Variants in KLHL29 observed in about 807,000 individuals in gnomAD.
KLHL29 encodes the protein kelch like family member 29, also known as kelch-like protein 29.
In KLHL29, 21 loss-of-function variants were observed where a neutral mutation model predicts 80.4. That is an observed-to-expected ratio of 0.26 (90% CI 0.19 to 0.38). KLHL29 has a LOEUF of 0.38. KLHL29 is among the 10% of genes least tolerant of loss of function. KLHL29 has a pLI of 1.00. For synonymous variants in KLHL29, 511 were observed against 526.8 expected (o/e 0.97, Z 0.41); for missense variants, 867 against 1,223.9 (o/e 0.71, Z 4.35).
At chr2:23,627,382 G>A (rs897629608) in intron 3 of KLHL29, among the ~76,000 whole-genome samples, 13 of 152,230 alleles carry the variant, frequency 8.5e-5, no homozygotes, top group South Asian at 2.1e-4. Context: ...AGCAGCCAGC[G>A]CCCAGGAGCT....
intron 3 of KLHL29, among the ~76,000 whole-genome samples, chr2:23,589,962 A>T (rs758105295): frequency 6.6e-6 from 1 of 152,262 alleles, no homozygotes; most frequent in Non-Finnish European, 1.5e-5. Flanking sequence ...TTGCAAAGGC[A>T]TGCAGCTGGC....
At chr2:23,387,041 C>G (rs924528899) in intron 1 of KLHL29, among the ~76,000 whole-genome samples, 2 of 151,882 alleles carry the variant, frequency 1.3e-5, no homozygotes, top group East Asian at 3.9e-4. Context: ...AAGGAGCTGC[C>G]GCCGCCGCCG....
intron 1 of KLHL29, among the ~76,000 whole-genome samples, chr2:23,446,791 A>G (rs547806620): frequency 5.3e-5 from 8 of 152,274 alleles, no homozygotes; most frequent in African/African-American, 1.9e-4. Context: ...AATTATGTGC[A>G]TCTTTGCAAG....
At chr2:23,577,763 GAAAA>G (rs1667880593) in intron 3 of KLHL29, among the ~76,000 whole-genome samples, 1 of 150,186 alleles carries the variant, frequency 6.7e-6, no homozygotes, top group Non-Finnish European at 1.5e-5. Context: ...AAAAAAAAAA[GAAAA>G]GAAAGATCAG....
chr2:23,645,207 C>T (rs1183009354), intron 5 of KLHL29, among the ~76,000 whole-genome samples: 1 of 152,166 alleles, frequency 6.6e-6, no homozygotes, highest in Admixed American at 6.5e-5. Flanking sequence ...GATCTAATGT[C>T]AAACAACTGC....
intron 2 of KLHL29, among the ~76,000 whole-genome samples, chr2:23,505,911 G>A (rs1461959126): frequency 2.0e-5 from 3 of 152,144 alleles, no homozygotes. Context: ...AAGGGCGTTG[G>A]GGGTCTCTGA....
intron 1 of KLHL29, among the ~76,000 whole-genome samples, chr2:23,450,533 C>T (rs938979210): frequency 1.3e-5 from 2 of 151,974 alleles, no homozygotes; most frequent in African/African-American, 4.8e-5. Flanking sequence ...AAGACTTCAG[C>T]CCTAGAGATT....
At chr2:23,576,945 C>G (rs538841143) in intron 3 of KLHL29, among the ~76,000 whole-genome samples, 1 of 152,294 alleles carries the variant, frequency 6.6e-6, no homozygotes, top group South Asian at 2.1e-4. Flanking sequence ...GCAGCTTTGT[C>G]CCTGGTGGAA....
At chr2:23,407,032 A>G (rs75899752) in intron 1 of KLHL29, among the ~76,000 whole-genome samples, 96 of 152,266 alleles carry the variant, frequency 6.3e-4, no homozygotes, top group African/African-American at 2.3e-3. Context: ...TTTCCTCTTA[A>G]CCTTGCATTG....
At chr2:23,550,249 C>G (rs1667089105) in intron 2 of KLHL29, among the ~76,000 whole-genome samples, 1 of 152,082 alleles carries the variant, frequency 6.6e-6, no homozygotes, top group Admixed American at 6.5e-5. Context: ...CAAGGGCATG[C>G]CTGGGGAATT....
Position 23,562,042 on chromosome 2 carries a change from A to C in KLHL29, c.-45-110A>C. 1.4e-6 allele frequency: 1 copy of C among 737,008 alleles called. No homozygotes were observed. The highest frequency in any genetic ancestry group is 2.2e-6 in the Non-Finnish European group (1 of 453,444). 45.7% of individuals were successfully genotyped at this position (737,008 alleles called of 1,614,324 possible). On this transcript the variant is annotated intron_variant, in intron 2 of 13. Transcript: ENST00000486442. The surrounding 1 kb of genome is among the most constrained non-coding windows in gnomAD (Gnocchi z 4.5). ...GGCTAGCGTGACTCTGAAATGAGCT[A>C]ATGTTTGAAGGCCTGTTATTGAACC...
intron 5 of KLHL29, among the ~76,000 whole-genome samples, chr2:23,670,917 G>GCGCGCACTCTCTCTCTCT (rs150131401): frequency 1.1e-4 from 2 of 18,534 alleles, no homozygotes; most frequent in Non-Finnish European, 2.4e-4. Context: ...ACATGCACGC[G>GCGCGCACTCTCTCTCTCT]CTCTCTCTCT....
chr2:23,403,722 A>AGTGTGTGTGTGTGTGT (rs202189865), intron 1 of KLHL29, among the ~76,000 whole-genome samples: 2 of 141,004 alleles, frequency 1.4e-5, no homozygotes, highest in Admixed American at 7.2e-5. Context: ...AGAGAGAGAG[A>AGTGTGTGTGTGTGTGT]GAGAGTGTGT....
At chr2:23,548,959 G>A (rs1324497123) in intron 2 of KLHL29, among the ~76,000 whole-genome samples, 1 of 152,182 alleles carries the variant, frequency 6.6e-6, no homozygotes, top group Non-Finnish European at 1.5e-5. Context: ...CACCATTGTC[G>A]AAGGGGGTCA....
chr2:23,598,890 T>A (rs1668496336), intron 3 of KLHL29, among the ~76,000 whole-genome samples: 1 of 152,188 alleles, frequency 6.6e-6, no homozygotes, highest in Non-Finnish European at 1.5e-5. Flanking sequence ...GGTGGCCCTC[T>A]TCGGCCCCAG....
At chr2:23,666,480 A>AC (rs1022023247) in intron 5 of KLHL29, among the ~76,000 whole-genome samples, 1 of 152,176 alleles carries the variant, frequency 6.6e-6, no homozygotes, top group African/African-American at 2.4e-5. Flanking sequence ...TTTCTCGGGG[A>AC]CCAAGGCCAA....
At chr2:23,429,921 G>A (rs7574031) in intron 1 of KLHL29, among the ~76,000 whole-genome samples, 76,973 of 151,930 alleles carry the variant, frequency 0.51, 20,791 homozygotes, top group African/African-American at 0.71. Context: ...ACTTGGCACT[G>A]TAATAGGCAC....
At chr2:23,698,617 A>ATAGAT (rs1672147636) in intron 11 of KLHL29, among the ~76,000 whole-genome samples, 1 of 152,238 alleles carries the variant, frequency 6.6e-6, no homozygotes, top group Non-Finnish European at 1.5e-5. Flanking sequence ...TTATATAATT[A>ATAGAT]TAGATTAAGA....
At chr2:23,397,835 A>C (rs138851573) in intron 1 of KLHL29, among the ~76,000 whole-genome samples, 2,525 of 152,366 alleles carry the variant, frequency 0.017, 46 homozygotes, top group South Asian at 0.062. Context: ...AAGGTATACC[A>C]ATGGCCAATA....
Sources: allele counts gnomAD v4.1 joint callset (sites outside exome capture counted in the v4.1 genomes callset), GRCh38; gene constraint gnomAD v4.1.1; non-coding constraint Gnocchi (gnomAD v3.1); transcripts MANE v1.5; gene names NCBI Gene and HGNC (gene_info 2026-07-23, HGNC 2026-07-21).